Variants in ZMYM4 observed in about 807,000 individuals in gnomAD.
ZMYM4 encodes zinc finger MYM-type protein 4.
In ZMYM4, 31 loss-of-function variants were observed where a neutral mutation model predicts 183.2. The ratio of observed to expected loss-of-function variants is 0.17; its 90% CI spans 0.13 to 0.23. The LOEUF is 0.23. Among genes scored for constraint, ZMYM4 ranks in the 10% least tolerant of loss-of-function variants. ZMYM4 has a pLI of 1.00. For synonymous variants in ZMYM4, 592 were observed against 631.2 expected, an observed-to-expected ratio of 0.94 and a Z score of 0.93; for missense variants, 1,273 against 1,840.3, an observed-to-expected ratio of 0.69 and a Z score of 5.64.
rs781088382 is a variant in ZMYM4 at position 35,392,668 on chromosome 1, C to T, written c.2750C>T (p.Ala917Val). ...VLQGAVPTVT[A>V]KIIGDASTQT... The stretch of plus-strand genomic sequence containing the variant: ...CAAGGTGCAGTTCCAACAGTAACAG[C>T]GAAAATCATCGGTGATGTAAGTTTT... Residue 917 changes from alanine (A) to valine (V), a missense_variant, in exon 17 of 30, where the codon GCG (alanine) becomes GTG (valine). Coordinates refer to ENST00000314607, the MANE Select transcript of ZMYM4 (RefSeq NM_005095.3). The T allele has an allele frequency of 4.4e-6, 7 of 1,593,370 alleles. No individual in the cohort carries two copies. The highest frequency in any genetic ancestry group is 1.9e-5 in the Admixed American group (1 of 53,354).
chr1:35,336,033 T>G (rs558404014), intron 2 of ZMYM4, among the ~76,000 whole-genome samples: 124 of 152,334 alleles, frequency 8.1e-4, no homozygotes, highest in African/African-American at 2.9e-3. Context: ...GCAACAGATC[T>G]CTGGAACTTT....
intron 19 of ZMYM4, chr1:35,396,995 T>G: frequency 1.3e-6 from 1 of 797,030 alleles, no homozygotes; most frequent in Non-Finnish European, 1.5e-6. Context: ...ATTTATATAA[T>G]TCTCATTTTT....
rs759167707 is a variant in ZMYM4, at chr1:35,359,425, A to T, written c.586A>T (p.Ser196Cys). ...TAAAGATTTGGATTCAAGGTTGAAA[A>T]GCAGTTTTTTTGATAAAGCAGGTAA... ...PHKDLDSRLK[S>C]SFFDKAANQV... Residue 196 changes from serine to cysteine, a missense_variant, in exon 3 of 30, where the codon AGC becomes TGC. This residue lies in a region of ZMYM4 where 384 missense variants were observed against 465.6 expected (regional missense o/e 0.82). Transcript: ENST00000314607. 6.4e-7 allele frequency: 1 copy of T among 1,565,152 alleles called. No homozygotes were observed. The highest frequency in any genetic ancestry group is 2.2e-5 in the East Asian group (1 of 44,532).
intron 7 of ZMYM4, among the ~76,000 whole-genome samples, chr1:35,380,877 TG>T (rs1277896052): frequency 2.6e-5 from 4 of 152,222 alleles, no homozygotes; most frequent in African/African-American, 9.6e-5. Flanking sequence ...TACTAATTTT[TG>T]ACAATGTTAA....
At chr1:35,329,135 C>T (rs1642628212) in intron 2 of ZMYM4, among the ~76,000 whole-genome samples, 1 of 152,216 alleles carries the variant, frequency 6.6e-6, no homozygotes, top group African/African-American at 2.4e-5. Context: ...TTTGTGAAGA[C>T]ATTGAGAAAT....
intron 2 of ZMYM4, among the ~76,000 whole-genome samples, chr1:35,344,090 G>T (rs1408419537): frequency 2.0e-5 from 3 of 147,316 alleles, no homozygotes; most frequent in Admixed American, 6.8e-5. Context: ...TTCTTGCTCT[G>T]TTGCCCAGGC....
intron 1 of ZMYM4, among the ~76,000 whole-genome samples, chr1:35,286,606 T>C (rs1294676238): frequency 6.8e-6 from 1 of 147,724 alleles, no homozygotes; most frequent in Non-Finnish European, 1.5e-5. Context: ...TTTTTTTTTT[T>C]TTTTTTTTAA....
intron 1 of ZMYM4, among the ~76,000 whole-genome samples, chr1:35,289,062 G>A (rs1161129048): frequency 6.6e-6 from 1 of 152,126 alleles, no homozygotes; most frequent in Non-Finnish European, 1.5e-5. Flanking sequence ...GTGGGGGTAA[G>A]ATAGAAAATA....
At chr1:35,313,408 A>T (rs1471674024) in intron 1 of ZMYM4, among the ~76,000 whole-genome samples, 19 of 65,252 alleles carry the variant, frequency 2.9e-4, no homozygotes, top group Non-Finnish European at 6.4e-4. Flanking sequence ...TTTTTTTTTG[A>T]GACAGAGTCT....
chr1:35,351,431 G>T lies in ZMYM4; in HGVS notation c.86-7494G>T, dbSNP rs371933263. 1.7e-5 allele frequency: 26 copies of T among 1,574,102 alleles called. No homozygotes were observed. The African/African-American group carries it at 3.2e-4, about 20-fold the overall frequency. On this transcript the variant is annotated intron_variant, in intron 2 of 29. Transcript: ENST00000314607. The stretch of plus-strand genomic sequence containing the variant: ...GCGTAACTCCAGACATGATGGAGGA[G>T]ATGTATAAGAAAGCTCATGCTGCTA...
chr1:35,271,739 C>G (rs184923793), intron 1 of ZMYM4, among the ~76,000 whole-genome samples: 1 of 152,292 alleles, frequency 6.6e-6, no homozygotes, highest in African/African-American at 2.4e-5. Flanking sequence ...CTATAACATA[C>G]GCAGGACTTG....
At chr1:35,317,433 C>CA (rs953716245) in intron 1 of ZMYM4, among the ~76,000 whole-genome samples, 93 of 151,918 alleles carry the variant, frequency 6.1e-4, no homozygotes, top group African/African-American at 1.7e-3. Flanking sequence ...AACTCTGTCT[C>CA]AAAAAATAAA....
intron 1 of ZMYM4, among the ~76,000 whole-genome samples, chr1:35,311,547 C>G (rs1641801135): frequency 6.6e-6 from 1 of 151,844 alleles, no homozygotes; most frequent in African/African-American, 2.4e-5. Context: ...AATCCCAGCA[C>G]TGAGCCATGA....
intron 7 of ZMYM4, among the ~76,000 whole-genome samples, chr1:35,375,179 ATACT>A (rs1644308495): frequency 1.3e-5 from 2 of 151,788 alleles, no homozygotes; most frequent in Non-Finnish European, 1.5e-5. Flanking sequence ...ATTTTACATA[ATACT>A]TACTTTTTGC....
intron 1 of ZMYM4, among the ~76,000 whole-genome samples, chr1:35,275,905 A>G (rs1053457639): frequency 1.3e-5 from 2 of 152,146 alleles, no homozygotes; most frequent in Non-Finnish European, 2.9e-5. Flanking sequence ...TTCTTATCCA[A>G]CCTTCTCATA....
At chr1:35,373,225 AATATATATATATGCAT>A (rs1369216347) in intron 7 of ZMYM4, among the ~76,000 whole-genome samples, 2 of 149,510 alleles carry the variant, frequency 1.3e-5, no homozygotes, top group African/African-American at 2.5e-5. Context: ...AGTATAAATA[AATATATATATATGCAT>A]ATATATATAT....
chr1:35,387,630 A>G (rs746442522), intron 13 of ZMYM4, 26 bp downstream of exon 13: 2 of 1,586,756 alleles, frequency 1.3e-6, no homozygotes. Flanking sequence ...TATCTTACCT[A>G]CTGAGCATGT....
intron 1 of ZMYM4, among the ~76,000 whole-genome samples, chr1:35,278,971 AG>A (rs1414821315): frequency 6.6e-6 from 1 of 152,190 alleles, no homozygotes; most frequent in Non-Finnish European, 1.5e-5. Flanking sequence ...GAAAGAATAA[AG>A]GATCTCCGGT....
chr1:35,317,491 A>T (rs1401530638), intron 1 of ZMYM4, among the ~76,000 whole-genome samples: 1 of 152,214 alleles, frequency 6.6e-6, no homozygotes, highest in Non-Finnish European at 1.5e-5. Context: ...TAATTTAAAT[A>T]AATTGTATAA....
Sources: allele counts gnomAD v4.1 joint callset (sites outside exome capture counted in the v4.1 genomes callset), GRCh38; gene constraint gnomAD v4.1.1; regional missense constraint gnomAD v4.1.1; transcripts MANE v1.5; gene names NCBI Gene and HGNC (gene_info 2026-07-23, HGNC 2026-07-21).